The following PTGR2 variants were observed in gnomAD, a reference collection of about 807,000 sequenced individuals.
The protein encoded by PTGR2 is 15-oxoprostaglandin 13-reductase.
A neutral mutation model predicts 43.4 loss-of-function variants in PTGR2; 32 were observed. The observed-to-expected ratio is 0.74, with a 90% CI of 0.56 to 0.99. The LOEUF is 0.99. PTGR2 is among the 50% of genes least tolerant of loss of function. The probability of loss-of-function intolerance (pLI) is 0.00; values close to 1 mark genes in which losing one functional copy is unlikely to be tolerated. For synonymous variants in PTGR2, 106 were observed against 139.2 expected (o/e 0.76, Z 1.68); for missense variants, 373 against 420.0 (o/e 0.89, Z 0.98).
chr14:73,858,959 G>C, intron 2 of PTGR2, 60 bp downstream of exon 2: 1 of 1,346,988 alleles, frequency 7.4e-7, no homozygotes, highest in Non-Finnish European at 1.1e-6. Flanking sequence ...GCAAATGGAG[G>C]AATAAAAACT....
At chr14:73,875,666 T>C (rs555350220) in intron 4 of PTGR2, among the ~76,000 whole-genome samples, 1 of 151,308 alleles carries the variant, frequency 6.6e-6, no homozygotes, top group African/African-American at 2.4e-5. Flanking sequence ...TATAGGTACA[T>C]GTTTATGTTG....
chr14:73,853,636 A>G (rs2054280644), intron 1 of PTGR2, among the ~76,000 whole-genome samples: 1 of 152,098 alleles, frequency 6.6e-6, no homozygotes, highest in South Asian at 2.1e-4. Context: ...TTTCTCATCT[A>G]TAAAATTGAG....
At chr14:73,880,314 T>C in intron 7 of PTGR2, 138 bp downstream of exon 7, 1 of 997,142 alleles carries the variant, frequency 1.0e-6, no homozygotes, top group Non-Finnish European at 1.5e-6. Context: ...GGCTTATGCC[T>C]GTAATCCTAG....
At chr14:73,875,304 G>T (rs1457323677) in intron 4 of PTGR2, among the ~76,000 whole-genome samples, 1 of 151,726 alleles carries the variant, frequency 6.6e-6, no homozygotes, top group Non-Finnish European at 1.5e-5. Flanking sequence ...AGCCTTAATG[G>T]TACATTTTAA....
At chr14:73,879,066 A>C (rs754212264) in intron 5 of PTGR2, 30 bp from the exon 6 acceptor site, 15 of 1,560,248 alleles carry the variant, frequency 9.6e-6, no homozygotes, top group Non-Finnish European at 1.2e-5. Context: ...GACAATATAA[A>C]GCCATTTAAT....
At chr14:73,873,347 G>T (rs1216251729) in intron 3 of PTGR2, among the ~76,000 whole-genome samples, 3 of 152,060 alleles carry the variant, frequency 2.0e-5, no homozygotes, top group Admixed American at 1.3e-4. Context: ...TTTATATTGT[G>T]CAGTGGCTAT....
At chr14:73,854,633 A>G (rs564329108) in intron 1 of PTGR2, among the ~76,000 whole-genome samples, 1 of 152,340 alleles carries the variant, frequency 6.6e-6, no homozygotes, top group African/African-American at 2.4e-5. Context: ...TTAGAGGGCA[A>G]ATATGATATT....
At chr14:73,866,771 T>C (rs2054604204) in intron 3 of PTGR2, among the ~76,000 whole-genome samples, 5 of 151,952 alleles carry the variant, frequency 3.3e-5, no homozygotes, top group Admixed American at 3.3e-4. Flanking sequence ...ATCCAGTCCA[T>C]TGAGGGCCTA....
rs1006436013 is a variant in PTGR2, at chr14:73,868,254, A to C, written c.157-5769A>C. ...CAGTGAGCCGAGATCACGCCACTGC[A>C]CTCCAGCCTGGGCAACAGAGCAAGA... On this transcript the variant is annotated intron_variant, in intron 3 of 9. Transcript: ENST00000555661. 7.0e-4 allele frequency among the ~76,000 whole-genome samples: 107 copies of C among 151,864 alleles called. 1 individual carries two copies. The highest frequency in any genetic ancestry group is 1.4e-3 in the Non-Finnish European group (92 of 67,948).
intron 3 of PTGR2, among the ~76,000 whole-genome samples, chr14:73,867,117 C>CA (rs71115924): frequency 0.12 from 15,973 of 133,722 alleles, 1,188 homozygotes; most frequent in Admixed American, 0.19. Context: ...AACAAAAAAA[C>CA]AAAAAAAAGA....
chr14:73,858,512 C>A, intron 1 of PTGR2: 1 of 206,856 alleles, frequency 4.8e-6, no homozygotes, highest in Non-Finnish European at 1.0e-5. Flanking sequence ...GAGATCACAC[C>A]ACTGCACTCC....
intron 3 of PTGR2, among the ~76,000 whole-genome samples, chr14:73,865,937 G>A (rs978392006): frequency 1.3e-5 from 2 of 151,896 alleles, no homozygotes; most frequent in Admixed American, 6.6e-5. Context: ...CTAGTACCTC[G>A]CTCTCTTAAT....
At chr14:73,873,169 T>C (rs1019730571) in intron 3 of PTGR2, among the ~76,000 whole-genome samples, 10 of 151,558 alleles carry the variant, frequency 6.6e-5, no homozygotes, top group Non-Finnish European at 1.3e-4. Context: ...TAGCCAGGCA[T>C]GTTGGCACAT....
At chr14:73,868,505 C>A (rs1160251832) in intron 3 of PTGR2, among the ~76,000 whole-genome samples, 1 of 152,046 alleles carries the variant, frequency 6.6e-6, no homozygotes, top group Non-Finnish European at 1.5e-5. Flanking sequence ...GAGTAACTGT[C>A]CCTGGCAGGA....
chr14:73,879,386 A>C (rs1283364684), intron 6 of PTGR2, 81 bp downstream of exon 6: 4 of 1,230,680 alleles, frequency 3.3e-6, no homozygotes, highest in Admixed American at 4.0e-5. Flanking sequence ...CTGAGAAAAA[A>C]ATTTATAAAA....
chr14:73,879,085 T>G lies in PTGR2; in HGVS notation c.520-11T>G. On this transcript the variant is annotated splice_polypyrimidine_tract_variant and intron_variant, in intron 5 of 9. Transcript: ENST00000555661. ...ATATAAAGCCATTTAATCTTCAAAT[T>G]TCCCCCCTAGATTGGCCATTTCTTA... 1.2e-6 allele frequency: 2 copies of G among 1,610,764 alleles called. No individual in the cohort carries two copies. The highest frequency in any genetic ancestry group is 2.2e-5 in the East Asian group (1 of 44,864).
intron 4 of PTGR2, among the ~76,000 whole-genome samples, chr14:73,875,436 C>T (rs1373742096): frequency 6.6e-6 from 1 of 152,032 alleles, no homozygotes; most frequent in African/African-American, 2.4e-5. Context: ...ACCTCTGCCA[C>T]CTGGGTTCAA....
rs145655340 is a variant in PTGR2 at position 73,858,900 on chromosome 14, G to A, written c.37+1G>A. ...AGAGTGGTATTGAATTCTCGACCTG[G>A]TATGTATTTGCGATGAATGAACAAC... On this transcript the variant is annotated splice_donor_variant, in intron 2 of 9. Coordinates refer to ENST00000555661, the MANE Select transcript of PTGR2 (RefSeq NM_001146154.2). LOFTEE classifies it high-confidence loss of function. 5 of 1,609,960 alleles carry A rather than the reference G, an allele frequency of 3.1e-6. No individual in the cohort carries two copies. The African/African-American group carries it at 6.7e-5, about 22-fold the overall frequency.
At chr14:73,867,341 T>C (rs2054626643) in intron 3 of PTGR2, among the ~76,000 whole-genome samples, 1 of 152,012 alleles carries the variant, frequency 6.6e-6, no homozygotes, top group Non-Finnish European at 1.5e-5. Flanking sequence ...TCTAACTGCA[T>C]GAGCCAATAC....
Sources: allele counts gnomAD v4.1 joint callset (sites outside exome capture counted in the v4.1 genomes callset), GRCh38; gene constraint gnomAD v4.1.1; transcripts MANE v1.5; gene names NCBI Gene and HGNC (gene_info 2026-07-23, HGNC 2026-07-21).